BPIFB1: variants seen among roughly 807,000 people sequenced by gnomAD.
The protein encoded by BPIFB1 is BPI fold-containing family B member 1.
BPIFB1 carries 34 observed loss-of-function variants against 55.1 expected under a neutral mutation model. The ratio of observed to expected loss-of-function variants is 0.62; its 90% CI spans 0.47 to 0.82. The LOEUF is 0.82. Among genes scored for constraint, BPIFB1 ranks in the 40% least tolerant of loss-of-function variants. BPIFB1 has a pLI of 0.00. For missense variants in BPIFB1, 532 were observed against 593.1 expected (o/e 0.90, Z 1.07); for synonymous variants, 236 against 245.3 (o/e 0.96, Z 0.35).
At chr20:33,297,633 C>T in intron 7 of BPIFB1, 45 bp downstream of exon 7, 1 of 1,605,946 alleles carries the variant, frequency 6.2e-7, no homozygotes, top group Non-Finnish European at 8.5e-7. Flanking sequence ...TACTACGGAG[C>T]TGGCCTCCAG....
intron 14 of BPIFB1, chr20:33,306,638 G>A (rs1033750832): frequency 8.5e-6 from 4 of 472,850 alleles, no homozygotes; most frequent in African/African-American, 5.8e-5. Context: ...ACCTCTGCTG[G>A]GGATAATGGG....
intron 11 of BPIFB1, among the ~76,000 whole-genome samples, chr20:33,303,714 G>GTCGTCA (rs1456352625): frequency 6.6e-6 from 1 of 152,136 alleles, no homozygotes; most frequent in African/African-American, 2.4e-5. Flanking sequence ...TGCTTTCGTC[G>GTCGTCA]TCGTCATCGT....
intron 7 of BPIFB1, chr20:33,299,169 C>T (rs1980760202): frequency 2.2e-6 from 1 of 456,614 alleles, no homozygotes; most frequent in African/African-American, 2.0e-5. Context: ...GGGCTCAAAC[C>T]GAAGTCCAGC....
intron 5 of BPIFB1, 103 bp downstream of exon 5, chr20:33,291,209 A>C (rs992020541): frequency 2.6e-5 from 36 of 1,408,406 alleles, no homozygotes; most frequent in Non-Finnish European, 3.4e-5. Flanking sequence ...AGGCCTAGAG[A>C]AAGAAAGGGA....
intron 6 of BPIFB1, among the ~76,000 whole-genome samples, chr20:33,295,168 TA>T (rs1980596005): frequency 6.7e-6 from 1 of 149,840 alleles, no homozygotes; most frequent in Admixed American, 6.6e-5. Context: ...TGAGCTGAGA[TA>T]ACGCCACTGC....
rs145874589 is a variant in BPIFB1, at chr20:33,305,022, C to T, written c.1254+131C>T. On this transcript the variant is annotated intron_variant, in intron 13 of 15. Transcript: ENST00000253354. ...AGCACCATGGGGGGCTGGCCGGTCT[C>T]CACCAAAGTCCAACTTCCCTCGAGT... 752 of 971,656 alleles carry T rather than the reference C, an allele frequency of 7.7e-4. 4 individuals are homozygous for T. The Middle Eastern group carries it at 0.023, about 29-fold the overall frequency. The allele number at this position is 971,656 out of a possible 1,614,324, so 60.2% of individuals were successfully genotyped here. A position where few individuals can be genotyped will look rare whatever the true frequency, so the allele number is the denominator to read the frequency against.
chr20:33,284,682 C>T (rs1396693049), intron 1 of BPIFB1, among the ~76,000 whole-genome samples: 1 of 152,268 alleles, frequency 6.6e-6, no homozygotes, highest in Non-Finnish European at 1.5e-5. Context: ...TCCCCTCCCT[C>T]CAAGCAGGAC....
At chr20:33,306,390 T>C (rs1015406352) in intron 14 of BPIFB1, among the ~76,000 whole-genome samples, 5 of 152,206 alleles carry the variant, frequency 3.3e-5, no homozygotes, top group African/African-American at 1.2e-4. Flanking sequence ...CTCTTGCTAG[T>C]GCCTGGCCTT....
chr20:33,302,482 G>A lies in BPIFB1; in HGVS notation c.981+70G>A. 5 of 1,510,830 alleles carry A rather than the reference G, an allele frequency of 3.3e-6. No homozygotes were observed. In the East Asian group the frequency reaches 1.1e-4, roughly 34 times the overall value. 93.6% of individuals were successfully genotyped at this position (1,510,830 alleles called of 1,614,324 possible). A position where few individuals can be genotyped will look rare whatever the true frequency, so the allele number is the denominator to read the frequency against. ...TCTGGACACAGGCCTCTGGGGAGGA[G>A]AATCTAGTGGGACTAGTGTTTCATT... On this transcript the variant is annotated intron_variant, in intron 10 of 15. Coordinates refer to ENST00000253354, the MANE Select transcript of BPIFB1 (RefSeq NM_033197.3).
chr20:33,308,909 T>C (rs1428776103), intron 15 of BPIFB1, among the ~76,000 whole-genome samples: 1 of 145,084 alleles, frequency 6.9e-6, no homozygotes, highest in African/African-American at 2.6e-5. Context: ...TACACACACA[T>C]ACACAGAGAC....
At chr20:33,286,594 A>G (rs1294545110) in intron 2 of BPIFB1, among the ~76,000 whole-genome samples, 1 of 152,220 alleles carries the variant, frequency 6.6e-6, no homozygotes, top group East Asian at 1.9e-4. Context: ...TCCCAGGCAC[A>G]GTGTATCACT....
At position 33,291,076 on chromosome 20, in the gene BPIFB1, A is replaced by G; in HGVS notation, c.485A>G (p.His162Arg). The G allele has an allele frequency of 1.2e-6, 2 of 1,612,948 alleles. No homozygotes were observed. The highest frequency in any genetic ancestry group is 2.7e-5 in the African/African-American group (2 of 75,062). The change falls in exon 5 of 16, where the codon CAT becomes CGT. Residue 162 changes from histidine to arginine, a missense_variant. Transcript: ENST00000253354. ...GTCCTCAGTGACTGTGCCACCAGCC[A>G]TGGGAGCCTGCGCATCCAACTGCTG... ...RLVLSDCATS[H>R]GSLRIQLLHK...
intron 5 of BPIFB1, 70 bp from the exon 6 acceptor site, chr20:33,291,837 C>CT: frequency 7.0e-7 from 1 of 1,425,700 alleles, no homozygotes; most frequent in South Asian, 1.2e-5. Context: ...GCCTCCCCCT[C>CT]TGTAAAATAG....
intron 6 of BPIFB1, among the ~76,000 whole-genome samples, chr20:33,295,252 T>C (rs1256378724): frequency 6.7e-6 from 1 of 148,838 alleles, no homozygotes; most frequent in Non-Finnish European, 1.5e-5. Context: ...ATAAATAAAA[T>C]GGGGATGATG....
chr20:33,308,967 A>G (rs1250185066), intron 15 of BPIFB1, among the ~76,000 whole-genome samples: 1 of 119,496 alleles, frequency 8.4e-6, no homozygotes, highest in African/African-American at 3.1e-5. Flanking sequence ...ATGCACATAC[A>G]CATACACACA....
chr20:33,293,535 A>G (rs1318841560), intron 6 of BPIFB1, among the ~76,000 whole-genome samples: 1 of 152,220 alleles, frequency 6.6e-6, no homozygotes, highest in Non-Finnish European at 1.5e-5. Flanking sequence ...TGACAGTAGC[A>G]ATATTTAAAA....
intron 4 of BPIFB1, among the ~76,000 whole-genome samples, chr20:33,290,472 A>C (rs1343981482): frequency 6.6e-6 from 1 of 152,088 alleles, no homozygotes; most frequent in Non-Finnish European, 1.5e-5. Context: ...AGGTGCTGAG[A>C]AGTTGATTGG....
chr20:33,287,951 A>G (rs1352857287), intron 2 of BPIFB1, among the ~76,000 whole-genome samples: 2 of 152,218 alleles, frequency 1.3e-5, no homozygotes, highest in African/African-American at 4.8e-5. Context: ...GGCAAAAAAG[A>G]AATATTCACT....
At chr20:33,299,500 G>A (rs2146532681) in intron 7 of BPIFB1, among the ~76,000 whole-genome samples, 1 of 152,338 alleles carries the variant, frequency 6.6e-6, no homozygotes, top group Admixed American at 6.5e-5. Flanking sequence ...GGTAGGGGCG[G>A]TGGAGTGTTA....
Sources: allele counts gnomAD v4.1 joint callset (sites outside exome capture counted in the v4.1 genomes callset), GRCh38; gene constraint gnomAD v4.1.1; transcripts MANE v1.5; gene names NCBI Gene and HGNC (gene_info 2026-07-23, HGNC 2026-07-21).